Variants in RAD51B observed in about 807,000 individuals in gnomAD.
The protein encoded by RAD51B is DNA repair protein RAD51 homolog 2.
Under a neutral mutation model 42.2 loss-of-function variants are expected in RAD51B, and 38 were observed. The ratio of observed to expected loss-of-function variants is 0.90; its 90% CI spans 0.70 to 1.18. The LOEUF (loss-of-function observed/expected upper bound fraction) is 1.18. Ranked by LOEUF, RAD51B falls within the 50% of genes most tolerant of loss-of-function variation. The pLI, the probability that RAD51B is intolerant of heterozygous loss-of-function variation, is 0.00. For synonymous variants in RAD51B, 154 were observed against 145.2 expected, an observed-to-expected ratio of 1.06 and a Z score of -0.43; for missense variants, 373 against 400.7, an observed-to-expected ratio of 0.93 and a Z score of 0.59.
chr14:68,204,054 A>G (rs910977986), intron 7 of RAD51B, among the ~76,000 whole-genome samples: 1 of 152,172 alleles, frequency 6.6e-6, no homozygotes. Flanking sequence ...TTGGAGTAGC[A>G]CTTCTAATTT....
chr14:68,165,952 G>A (rs1476694647), intron 7 of RAD51B, among the ~76,000 whole-genome samples: 1 of 152,100 alleles, frequency 6.6e-6, no homozygotes, highest in Non-Finnish European at 1.5e-5. Context: ...CCTTTACAAT[G>A]ATCTCGGCAT....
chr14:68,526,916 C>T (rs941794204), intron 10 of RAD51B, among the ~76,000 whole-genome samples: 40 of 152,332 alleles, frequency 2.6e-4, no homozygotes, highest in African/African-American at 9.1e-4. Flanking sequence ...CCACTCACAA[C>T]AGGCTTCCCC....
chr14:68,401,906 T>C (rs1246130444), intron 8 of RAD51B, among the ~76,000 whole-genome samples: 2 of 152,248 alleles, frequency 1.3e-5, no homozygotes, highest in East Asian at 3.8e-4. Context: ...GCTTACTTAA[T>C]AGATAGCGTG....
chr14:68,360,063 T>A (rs1304653551), intron 8 of RAD51B, among the ~76,000 whole-genome samples: 1 of 152,198 alleles, frequency 6.6e-6, no homozygotes, highest in Non-Finnish European at 1.5e-5. Flanking sequence ...AAAAGAAGAA[T>A]CTCCTAAAAC....
chr14:67,868,843 C>A (rs550421367), intron 5 of RAD51B, among the ~76,000 whole-genome samples: 2 of 152,270 alleles, frequency 1.3e-5, no homozygotes, highest in African/African-American at 2.4e-5. Context: ...CCTCACACGG[C>A]CGGGTACTCC....
intron 4 of RAD51B, among the ~76,000 whole-genome samples, chr14:67,846,232 A>T (rs1382803561): frequency 6.6e-6 from 1 of 152,056 alleles, no homozygotes; most frequent in African/African-American, 2.4e-5. Context: ...GTGTTGGCGC[A>T]TGGGGTAGTG....
intron 10 of RAD51B, among the ~76,000 whole-genome samples, chr14:68,501,767 G>T (rs1291871503): frequency 6.6e-6 from 1 of 152,274 alleles, no homozygotes; most frequent in Non-Finnish European, 1.5e-5. Context: ...CTTTGGAAAT[G>T]TTGTCAATGT....
chr14:67,981,786 G>GT (rs907305940), intron 7 of RAD51B, among the ~76,000 whole-genome samples: 2 of 152,088 alleles, frequency 1.3e-5, no homozygotes, highest in Non-Finnish European at 2.9e-5. Flanking sequence ...CAGATGGGTG[G>GT]TTACCTAGAG....
At chr14:68,611,296 A>G (rs1891673569) in exon 11 of RAD51B, 1 of 699,680 alleles carries the variant, frequency 1.4e-6, no homozygotes. Flanking sequence ...TTAACATCCG[A>G]CAGCAACTAT....
At chr14:68,126,238 A>T (rs1022587038) in intron 7 of RAD51B, among the ~76,000 whole-genome samples, 1 of 152,212 alleles carries the variant, frequency 6.6e-6, no homozygotes, top group Non-Finnish European at 1.5e-5. Context: ...TATTCATAAT[A>T]GCACTTCCCT....
intron 8 of RAD51B, among the ~76,000 whole-genome samples, chr14:68,398,151 G>A (rs913478714): frequency 2.0e-5 from 3 of 152,258 alleles, no homozygotes; most frequent in African/African-American, 4.8e-5. Context: ...AGCTAAAGCT[G>A]GGGAAGGCCT....
At chr14:67,926,586 A>T (rs904478745) in intron 7 of RAD51B, among the ~76,000 whole-genome samples, 1 of 94,416 alleles carries the variant, frequency 1.1e-5, no homozygotes, top group Non-Finnish European at 2.0e-5. Context: ...TTTTTTTGAG[A>T]CTGAGTCTTG....
intron 7 of RAD51B, among the ~76,000 whole-genome samples, chr14:68,154,488 C>A (rs911716910): frequency 6.6e-6 from 1 of 152,224 alleles, no homozygotes; most frequent in Non-Finnish European, 1.5e-5. Context: ...TCCTTACATG[C>A]ATGCACTAAT....
intron 11 of RAD51B, among the ~76,000 whole-genome samples, chr14:68,651,672 TGAA>T (rs1195194283): frequency 2.6e-5 from 4 of 152,236 alleles, no homozygotes; most frequent in Admixed American, 6.5e-5. Context: ...GCAAACGGGC[TGAA>T]GAAGGTTTGA....
At chr14:68,282,878 G>T (rs2081346166) in intron 7 of RAD51B, among the ~76,000 whole-genome samples, 1 of 152,072 alleles carries the variant, frequency 6.6e-6, no homozygotes, top group South Asian at 2.1e-4. Flanking sequence ...CTCCACTGGA[G>T]GTTTCTCAGA....
intron 4 of RAD51B, among the ~76,000 whole-genome samples, chr14:67,854,717 C>T (rs1440000391): frequency 6.6e-6 from 1 of 151,412 alleles, no homozygotes; most frequent in Non-Finnish European, 1.5e-5. Context: ...AATCCCAGCA[C>T]TTTGGGAGGC....
intron 7 of RAD51B, among the ~76,000 whole-genome samples, chr14:68,073,715 C>T (rs2076790332): frequency 6.6e-6 from 1 of 152,148 alleles, no homozygotes; most frequent in South Asian, 2.1e-4. Context: ...TTGTAAGGCA[C>T]ATCACTAGAT....
intron 10 of RAD51B, chr14:68,650,644 A>C: frequency 4.9e-6 from 3 of 608,082 alleles, no homozygotes; most frequent in Non-Finnish European, 8.8e-6. Context: ...TGTTGTGTTT[A>C]AAGTAGCATC....
intron 10 of RAD51B, among the ~76,000 whole-genome samples, chr14:68,474,891 C>T (rs964351453): frequency 1.3e-5 from 2 of 152,212 alleles, no homozygotes; most frequent in African/African-American, 2.4e-5. Flanking sequence ...AGATGTACTG[C>T]TTCCTCCTGT....
Sources: gnomAD v4.1 joint callset for allele counts (sites outside exome capture counted in the v4.1 genomes callset) on GRCh38, gnomAD v4.1.1 for gene constraint, MANE v1.5 for transcripts, NCBI Gene and HGNC (gene_info 2026-07-23, HGNC 2026-07-21) for gene names.